CHRM3: variants seen among roughly 807,000 people sequenced by gnomAD.
CHRM3 encodes the protein cholinergic receptor muscarinic 3, also known as muscarinic acetylcholine receptor M3.
A neutral mutation model predicts 41.8 loss-of-function variants in CHRM3; 11 were observed. The observed-to-expected ratio is 0.26, with a 90% CI of 0.17 to 0.44. The LOEUF (loss-of-function observed/expected upper bound fraction) is 0.44, where lower values mean the gene tolerates loss of function less well. Ranked by LOEUF, CHRM3 falls within the 20% of genes least tolerant of loss-of-function variation. CHRM3 has a pLI of 1.00. For missense variants in CHRM3, 571 were observed against 745.4 expected (o/e 0.77, Z 2.72); for synonymous variants, 297 against 301.4 (o/e 0.99, Z 0.15).
intron 6 of CHRM3, among the ~76,000 whole-genome samples, chr1:239,847,901 C>G (rs902774104): frequency 1.4e-5 from 2 of 142,206 alleles, no homozygotes; most frequent in African/African-American, 2.6e-5. Flanking sequence ...GGCAACAGAG[C>G]AAGAACCTGT....
rs1680486171 is a variant in CHRM3, at chr1:239,913,668, C to A, written c.*4444C>A. The A allele has an allele frequency of 6.0e-6, 1 of 166,852 alleles. No individual in the cohort carries two copies. The allele number at this position is 166,852 out of a possible 1,614,324, so 10.3% of individuals were successfully genotyped here. The stretch of plus-strand genomic sequence containing the variant: ...CCTTTTCTGGCTTTAGTGTTAATGT[C>A]TGGGAAGGGAGGCTCATGATAAGAA... On this transcript the variant is annotated 3_prime_UTR_variant, in exon 7 of 7. Coordinates refer to ENST00000676153, the MANE Select transcript of CHRM3 (RefSeq NM_001375978.1).
At chr1:239,533,084 CT>C (rs886344053) in intron 2 of CHRM3, among the ~76,000 whole-genome samples, 8 of 151,232 alleles carry the variant, frequency 5.3e-5, no homozygotes, top group Middle Eastern at 3.4e-3. Context: ...AAGTTTTTGT[CT>C]TTTTTTTTAG....
At chr1:239,556,322 A>G (rs745917795) in intron 3 of CHRM3, among the ~76,000 whole-genome samples, 3 of 152,156 alleles carry the variant, frequency 2.0e-5, no homozygotes, top group Non-Finnish European at 2.9e-5. Flanking sequence ...CTGACAATTT[A>G]TGTCTCATTT....
chr1:239,504,068 T>A (rs575363302), intron 2 of CHRM3, among the ~76,000 whole-genome samples: 21 of 152,176 alleles, frequency 1.4e-4, no homozygotes, highest in Middle Eastern at 3.4e-3. Flanking sequence ...TATTTGGGAC[T>A]TAAACTAAAG....
intron 2 of CHRM3, among the ~76,000 whole-genome samples, chr1:239,534,858 A>T (rs1253374756): frequency 6.6e-6 from 1 of 152,248 alleles, no homozygotes; most frequent in East Asian, 1.9e-4. Flanking sequence ...TAAGGTTATC[A>T]TTAAATGAAA....
chr1:239,685,916 G>A (rs1261949937), intron 5 of CHRM3, among the ~76,000 whole-genome samples: 1 of 151,930 alleles, frequency 6.6e-6, no homozygotes, highest in Non-Finnish European at 1.5e-5. Flanking sequence ...TGCCATTGTT[G>A]CCTTCTCATC....
intron 2 of CHRM3, among the ~76,000 whole-genome samples, chr1:239,516,558 G>A (rs543537723): frequency 6.6e-6 from 1 of 152,200 alleles, no homozygotes. Flanking sequence ...TCTACTAGCT[G>A]TATGAGATAG....
chr1:239,864,920 G>T (rs948964482), intron 6 of CHRM3, among the ~76,000 whole-genome samples: 2 of 152,150 alleles, frequency 1.3e-5, no homozygotes, highest in African/African-American at 4.8e-5. Context: ...TGCTGGGAGT[G>T]AAAATTTATA....
intron 6 of CHRM3, among the ~76,000 whole-genome samples, chr1:239,843,784 TCTTTCAATAGATC>T (rs1343606695): frequency 6.6e-6 from 1 of 152,154 alleles, no homozygotes; most frequent in Non-Finnish European, 1.5e-5. Context: ...TTTTAGTTTC[TCTTTCAATAGATC>T]CTGGACAGGT....
intron 1 of CHRM3, among the ~76,000 whole-genome samples, chr1:239,473,678 G>A (rs1223745190): frequency 4.6e-5 from 7 of 152,108 alleles, no homozygotes; most frequent in African/African-American, 1.7e-4. Flanking sequence ...CCTTATTACT[G>A]TGGAATCCTG....
At chr1:239,388,376 G>T (rs954977540) in intron 1 of CHRM3, among the ~76,000 whole-genome samples, 1 of 152,172 alleles carries the variant, frequency 6.6e-6, no homozygotes, top group African/African-American at 2.4e-5. Flanking sequence ...TGCCCTCTGA[G>T]TTCCAAGACA....
intron 5 of CHRM3, among the ~76,000 whole-genome samples, chr1:239,779,249 G>A (rs1438425662): frequency 6.6e-6 from 1 of 152,078 alleles, no homozygotes; most frequent in African/African-American, 2.4e-5. Context: ...CACATGCACA[G>A]CCTCCCCTGT....
chr1:239,693,589 A>G (rs943013493), intron 5 of CHRM3, among the ~76,000 whole-genome samples: 5 of 152,180 alleles, frequency 3.3e-5, no homozygotes, highest in East Asian at 3.9e-4. Flanking sequence ...CTTGACTGTC[A>G]TAATTATATT....
intron 5 of CHRM3, among the ~76,000 whole-genome samples, chr1:239,715,877 G>A (rs1489817737): frequency 6.6e-6 from 1 of 152,054 alleles, no homozygotes; most frequent in African/African-American, 2.4e-5. Context: ...TGGATTGGAA[G>A]AAACAGTTAA....
chr1:239,501,626 T>TG (rs770001968), intron 2 of CHRM3, among the ~76,000 whole-genome samples: 17 of 151,954 alleles, frequency 1.1e-4, no homozygotes, highest in Non-Finnish European at 2.1e-4. Context: ...GAGGCTGAGG[T>TG]GGGCAGATCA....
At chr1:239,451,654 A>C (rs1164956926) in intron 1 of CHRM3, among the ~76,000 whole-genome samples, 1 of 152,200 alleles carries the variant, frequency 6.6e-6, no homozygotes, top group Non-Finnish European at 1.5e-5. Flanking sequence ...CAGATTTCAA[A>C]CTTTAATAAG....
intron 2 of CHRM3, among the ~76,000 whole-genome samples, chr1:239,508,306 T>C (rs559274074): frequency 1.3e-4 from 20 of 152,330 alleles, no homozygotes; most frequent in African/African-American, 4.6e-4. Flanking sequence ...TGTATTTCAG[T>C]ATTTTCCAGA....
intron 1 of CHRM3, among the ~76,000 whole-genome samples, chr1:239,427,957 A>T (rs1476575955): frequency 6.6e-6 from 1 of 152,158 alleles, no homozygotes; most frequent in East Asian, 1.9e-4. Context: ...TGCACACATG[A>T]GGTTATGAAA....
intron 5 of CHRM3, among the ~76,000 whole-genome samples, chr1:239,701,046 ACT>A (rs1184160684): frequency 6.6e-6 from 1 of 152,064 alleles, no homozygotes; most frequent in Non-Finnish European, 1.5e-5. Context: ...TCTACCCTTT[ACT>A]TTTATTTACC....
Sources: allele counts gnomAD v4.1 joint callset (sites outside exome capture counted in the v4.1 genomes callset), GRCh38; gene constraint gnomAD v4.1.1; transcripts MANE v1.5; gene names NCBI Gene and HGNC (gene_info 2026-07-23, HGNC 2026-07-21).